Variants in ARB2A observed in about 807,000 individuals in gnomAD.
ARB2A encodes ARB2 cotranscriptional regulator A, also known as cotranscriptional regulator ARB2A.
chr5:93,855,786 A>G, the ARB2A span, among the ~76,000 whole-genome samples: 1 of 152,000 alleles, frequency 6.6e-6, no homozygotes, highest in East Asian at 1.9e-4. Flanking sequence ...GAATATTGGA[A>G]AGGACATGCA....
At chr5:93,994,623 C>T in the ARB2A span, among the ~76,000 whole-genome samples, 1 of 151,916 alleles carries the variant, frequency 6.6e-6, no homozygotes, top group Non-Finnish European at 1.5e-5. Context: ...AATAAATACA[C>T]TGGTAAATAT....
the ARB2A span, among the ~76,000 whole-genome samples, chr5:94,022,525 T>G: frequency 6.6e-6 from 1 of 152,144 alleles, no homozygotes; most frequent in Non-Finnish European, 1.5e-5. Flanking sequence ...GAAAAGACAT[T>G]TACTCTGGAC....
the ARB2A span, among the ~76,000 whole-genome samples, chr5:93,771,510 G>C: frequency 6.6e-5 from 10 of 151,906 alleles, no homozygotes; most frequent in East Asian, 5.8e-4. Context: ...CCATCAGAGT[G>C]AACAGGCAAC....
chr5:93,698,843 T>C, the ARB2A span, among the ~76,000 whole-genome samples: 1 of 152,136 alleles, frequency 6.6e-6, no homozygotes, highest in African/African-American at 2.4e-5. Flanking sequence ...CAGTTTATTG[T>C]AGGTAGGAGA....
the ARB2A span, among the ~76,000 whole-genome samples, chr5:93,987,022 A>C: frequency 6.6e-6 from 1 of 152,006 alleles, no homozygotes; most frequent in Admixed American, 6.5e-5. Context: ...AAATACTAAA[A>C]AAATTTAAAA....
the ARB2A span, among the ~76,000 whole-genome samples, chr5:93,821,936 T>C: frequency 2.0e-5 from 3 of 151,578 alleles, no homozygotes; most frequent in Admixed American, 2.0e-4. Context: ...GATGAGATAA[T>C]TGCCATTAAT....
chr5:94,020,768 T>C, the ARB2A span, among the ~76,000 whole-genome samples: 2 of 152,196 alleles, frequency 1.3e-5, no homozygotes, highest in Non-Finnish European at 2.9e-5. Flanking sequence ...GCCAGAGTAA[T>C]ACAATCAATA....
the ARB2A span, among the ~76,000 whole-genome samples, chr5:93,702,982 A>G: frequency 6.6e-6 from 1 of 152,218 alleles, no homozygotes; most frequent in Admixed American, 6.5e-5. Flanking sequence ...TCGATAGTTT[A>G]AATAAAAAAT....
At chr5:93,620,974 G>C in the ARB2A span, 6 of 1,600,414 alleles carry the variant, frequency 3.7e-6, no homozygotes, top group Middle Eastern at 3.3e-4. Flanking sequence ...CTCCCCCGTC[G>C]CGCTCGCTCC....
chr5:93,653,660 A>C, the ARB2A span, among the ~76,000 whole-genome samples: 44 of 151,824 alleles, frequency 2.9e-4, 1 homozygote, highest in African/African-American at 1.0e-3. Flanking sequence ...CATTTGACCA[A>C]GGAGTCTGTC....
the ARB2A span, among the ~76,000 whole-genome samples, chr5:93,913,725 G>GT: frequency 2.6e-5 from 4 of 151,892 alleles, no homozygotes; most frequent in African/African-American, 9.7e-5. Context: ...GTTTATATCA[G>GT]TTTTTTAATA....
the ARB2A span, among the ~76,000 whole-genome samples, chr5:93,815,560 AC>A: frequency 6.6e-6 from 1 of 152,108 alleles, no homozygotes. Flanking sequence ...TGATTTGTTC[AC>A]AATCCTTCTG....
chr5:93,659,969 T>C, the ARB2A span, among the ~76,000 whole-genome samples: 2 of 152,212 alleles, frequency 1.3e-5, no homozygotes, highest in East Asian at 1.9e-4. Context: ...TTCAATAATA[T>C]GTATGGACAG....
the ARB2A span, among the ~76,000 whole-genome samples, chr5:94,079,703 T>C: frequency 6.6e-6 from 1 of 152,168 alleles, no homozygotes; most frequent in African/African-American, 2.4e-5. Flanking sequence ...AGACTAAAGT[T>C]GTCAACCAAA....
At chr5:93,970,525 A>AT in the ARB2A span, among the ~76,000 whole-genome samples, 3 of 152,164 alleles carry the variant, frequency 2.0e-5, no homozygotes, top group East Asian at 1.9e-4. Flanking sequence ...AAAATAAACC[A>AT]TTTTTTCTGT....
the ARB2A span, among the ~76,000 whole-genome samples, chr5:93,725,213 T>C: frequency 6.6e-6 from 1 of 152,062 alleles, no homozygotes; most frequent in Non-Finnish European, 1.5e-5. Context: ...ATAAGTTTGC[T>C]CTACATAAAG....
chr5:93,712,719 T>C, the ARB2A span, among the ~76,000 whole-genome samples: 53 of 152,258 alleles, frequency 3.5e-4, no homozygotes, highest in African/African-American at 1.2e-3. Context: ...AAAATTTATA[T>C]TGAACCACAA....
chr5:94,007,909 A>G, the ARB2A span, among the ~76,000 whole-genome samples: 1 of 152,216 alleles, frequency 6.6e-6, no homozygotes, highest in South Asian at 2.1e-4. Flanking sequence ...GAGCAACACA[A>G]TGGCCTAAAT....
At chr5:93,624,248 T>A in the ARB2A span, among the ~76,000 whole-genome samples, 1 of 152,114 alleles carries the variant, frequency 6.6e-6, no homozygotes, top group Non-Finnish European at 1.5e-5. Flanking sequence ...GATGTAGAAA[T>A]CACAGGGAAA....
Sources: allele counts gnomAD v4.1 joint callset (sites outside exome capture counted in the v4.1 genomes callset), GRCh38; gene constraint gnomAD v4.1.1; transcripts MANE v1.5; gene names NCBI Gene and HGNC (gene_info 2026-07-23, HGNC 2026-07-21).